Variants in DNAH1 observed in about 807,000 individuals in gnomAD.
The protein encoded by DNAH1 is axonemal beta dynein heavy chain 1.
In DNAH1, 327 loss-of-function variants were observed where a neutral mutation model predicts 484.3. The observed-to-expected ratio is 0.68, with a 90% CI of 0.62 to 0.74. The LOEUF is 0.74. DNAH1 is among the 30% of genes least tolerant of loss of function. The pLI, the probability that DNAH1 is intolerant of heterozygous loss-of-function variation, is 0.00. For synonymous variants in DNAH1, 2,192 were observed against 2,191.9 expected, an observed-to-expected ratio of 1.00 and a Z score of 0.00; for missense variants, 5,052 against 5,546.8, an observed-to-expected ratio of 0.91 and a Z score of 2.83.
chr3:52,399,211 C>T lies in DNAH1; in HGVS notation c.12441+10C>T, dbSNP rs372463220. 6.3e-7 allele frequency: 1 copy of T among 1,591,108 alleles called. No individual in the cohort carries two copies. Among genetic ancestry groups the T allele is most frequent in the Non-Finnish European group, 8.6e-7 (1 of 1,167,146 alleles). ...CTCCTTTGATTTCAAGGTCTGGGCACAGCCAGGGCCAGGTCAGGTGACAGG... is the reference window on the plus strand; with the variant it reads ...CTCCTTTGATTTCAAGGTCTGGGCATAGCCAGGGCCAGGTCAGGTGACAGG... On this transcript the variant is annotated intron_variant, in intron 76 of 77. Coordinates refer to ENST00000420323, the MANE Select transcript of DNAH1 (RefSeq NM_015512.5).
Position 52,326,797 on chromosome 3 carries a change from C to G in DNAH1, c.644C>G (p.Ser215Cys). 6.2e-7 allele frequency: 1 copy of G among 1,613,796 alleles called. No homozygotes were observed. The highest frequency in any genetic ancestry group is 1.1e-5 in the South Asian group (1 of 91,072). ...TTGCTGTTCAGCCAGGGCATCGACT[C>G]CAACAAGCTCATGCCCAGGCACCTG... ...EQLLFSQGID[S>C]NKLMPRHLDH... The change falls in exon 5 of 78, where the codon TCC becomes TGC. Residue 215 changes from serine to cysteine, a missense_variant. Physicochemically the swap from Ser to Cys is moderately radical, Grantham distance 112. Coordinates refer to ENST00000420323, the MANE Select transcript of DNAH1 (RefSeq NM_015512.5).
In DNAH1 at chr3:52,322,686, C is replaced by T. The variant is rs555366087; in HGVS notation, c.244C>T (p.Leu82=). The T allele has an allele frequency of 3.1e-6, 5 of 1,613,862 alleles. No homozygotes were observed. The highest frequency in any genetic ancestry group is 4.2e-6 in the Non-Finnish European group (5 of 1,179,850). Reference sequence around the variant, plus strand: ...CTTGGGGCAGCCACGGAAGTCACCCCTGACAGGCACTGATAAGAAGTACCC... The same window carrying T: ...CTTGGGGCAGCCACGGAAGTCACCCTTGACAGGCACTGATAAGAAGTACCC... ...SDLGQPRKSP[L]TGTDKKYPLM... is the part of the protein sequence containing the mutation. Residue 82 remains leucine (L), a synonymous_variant, in exon 2 of 78, where the codon CTG becomes TTG. Coordinates refer to ENST00000420323, the MANE Select transcript of DNAH1 (RefSeq NM_015512.5).
At chr3:52,367,405 A>G (rs1302590098) in intron 36 of DNAH1, among the ~76,000 whole-genome samples, 3 of 152,016 alleles carry the variant, frequency 2.0e-5, no homozygotes, top group Non-Finnish European at 4.4e-5. Flanking sequence ...GGGGATGGTC[A>G]CTAGGGAGGG....
chr3:52,331,625 T>C (rs950414525), intron 7 of DNAH1, among the ~76,000 whole-genome samples: 4 of 104,028 alleles, frequency 3.8e-5, no homozygotes, highest in African/African-American at 1.5e-4. Context: ...TTTTCTTTTT[T>C]TTTTTTTTTT....
chr3:52,396,184 T>C (rs904515816), intron 70 of DNAH1, among the ~76,000 whole-genome samples, 184 bp from the exon 71 acceptor site: 3 of 152,118 alleles, frequency 2.0e-5, no homozygotes, highest in Non-Finnish European at 4.4e-5. Flanking sequence ...TCGCCTGCCT[T>C]GGCCTTCCAA....
chr3:52,392,805 C>T (rs1335939148), intron 64 of DNAH1, 25 bp from the exon 65 acceptor site: 3 of 563,470 alleles, frequency 5.3e-6, no homozygotes, highest in Non-Finnish European at 6.6e-6. Flanking sequence ...TCTTTGACCC[C>T]TCCCCCCACC....
chr3:52,397,925 T>TCACCATCCTGCCCACTCCC, intron 74 of DNAH1, 48 bp downstream of exon 74: 2 of 1,576,162 alleles, frequency 1.3e-6, no homozygotes, highest in South Asian at 2.4e-5. Context: ...GGGCTGGGCT[T>TCACCATCCTGCCCACTCCC]CACCATCCTG....
chr3:52,378,101 G>A lies in DNAH1; in HGVS notation c.7199-501G>A, dbSNP rs573170074. On this transcript the variant is annotated intron_variant, in intron 46 of 77. Transcript: ENST00000420323. ...TTGGATAGTTTTCAAAGAACAGGCC[G>A]ATAGGTGTATGAGTGGTAAAAATGC... Among the ~76,000 whole-genome samples the A allele has an allele frequency of 7.9e-5, 12 of 152,238 alleles. 1 individual carries two copies. Among genetic ancestry groups the A allele is most frequent in the South Asian group, 6.2e-4 (3 of 4,824 alleles).
intron 59 of DNAH1, 22 bp from the exon 60 acceptor site, chr3:52,389,439 C>A: frequency 6.2e-7 from 1 of 1,611,180 alleles, no homozygotes; most frequent in South Asian, 1.1e-5. Context: ...GTGGGGTGGT[C>A]CTGAGTCTGG....
rs1703880567 is a variant in DNAH1, at chr3:52,382,218, G to T, written c.7806-102G>T. Reference sequence around the variant, plus strand: ...GGGTCTGCAGGTCTGCCCAGGATGGGAGCAGAATTCCAGGTGGTCAGGGTA... The same window carrying T: ...GGGTCTGCAGGTCTGCCCAGGATGGTAGCAGAATTCCAGGTGGTCAGGGTA... On this transcript the variant is annotated intron_variant, in intron 49 of 77. Coordinates refer to ENST00000420323, the MANE Select transcript of DNAH1 (RefSeq NM_015512.5). The T allele has an allele frequency of 9.5e-6, 15 of 1,586,760 alleles. No homozygotes were observed. The South Asian group carries it at 1.6e-4, about 16-fold the overall frequency.
chr3:52,352,184 C>A (rs957493393), intron 17 of DNAH1, 81 bp downstream of exon 17: 3 of 1,513,874 alleles, frequency 2.0e-6, no homozygotes, highest in Non-Finnish European at 2.7e-6. Flanking sequence ...GGCCTCACTT[C>A]TTGCATTCAG....
intron 48 of DNAH1, among the ~76,000 whole-genome samples, chr3:52,380,810 C>A (rs1026188770): frequency 2.0e-5 from 3 of 152,234 alleles, no homozygotes; most frequent in African/African-American, 7.2e-5. Context: ...AAAGTGACAG[C>A]AAGCAAGTTC....
chr3:52,362,193 G>GC lies in DNAH1; in HGVS notation c.4981-193dup, dbSNP rs1702892544. Among the ~76,000 whole-genome samples the GC allele has an allele frequency of 6.6e-6, 1 of 152,212 alleles. No homozygotes were observed. The highest frequency in any genetic ancestry group is 1.5e-5 in the Non-Finnish European group (1 of 68,034). ...AGGGCCTGAAGCCAGGAGCTGGAAG[G>GC]CCATGGGTAGCCACTGGGGCCTGAG... On this transcript the variant is annotated intron_variant, in intron 30 of 77. Transcript: ENST00000420323. This position sits in a 1 kb window ranked among gnomAD's most constrained non-coding sequence, Gnocchi z 5.1.
rs113087569 is a variant in DNAH1 at position 52,351,560 on chromosome 3, A to G, written c.2730-402A>G. The stretch of plus-strand genomic sequence containing the variant: ...GGGCAAAGGGAGTTGGTCTGACCTG[A>G]AGGCAGCTGGCCTGAGGGCCCTGGC... On this transcript the variant is annotated intron_variant, in intron 16 of 77. Coordinates refer to ENST00000420323, the MANE Select transcript of DNAH1 (RefSeq NM_015512.5). 3.1e-3 allele frequency among the ~76,000 whole-genome samples: 478 copies of G among 152,338 alleles called. 1 individual carries two copies. The highest frequency in any genetic ancestry group is 0.011 in the African/African-American group (462 of 41,586).
chr3:52,318,741 A>G (rs559646356), intron 1 of DNAH1, among the ~76,000 whole-genome samples: 24 of 152,170 alleles, frequency 1.6e-4, no homozygotes, highest in Admixed American at 9.8e-4. Context: ...GGCAGTTTGC[A>G]TCGGGTGAAT....
chr3:52,346,445 A>T (rs1035443264), intron 10 of DNAH1, 27 bp from the exon 11 acceptor site: 1 of 1,588,782 alleles, frequency 6.3e-7, no homozygotes, highest in African/African-American at 1.3e-5. Flanking sequence ...CAGGGTGGCC[A>T]TATGATGATG....
rs374202871 is a variant in DNAH1 at position 52,384,783 on chromosome 3, C to T, written c.8323-3C>T. On this transcript the variant is annotated splice_polypyrimidine_tract_variant and splice_region_variant and intron_variant, in intron 52 of 77. Coordinates refer to ENST00000420323, the MANE Select transcript of DNAH1 (RefSeq NM_015512.5). Reference sequence around the variant, plus strand: ...GCCGGCATCCATGGTCTTCCTCCCCCAGATCCAGGTCTGTGTGTACATCCA... The same window carrying T: ...GCCGGCATCCATGGTCTTCCTCCCCTAGATCCAGGTCTGTGTGTACATCCA... The T allele has an allele frequency of 6.3e-7, 1 of 1,597,952 alleles. No individual in the cohort carries two copies. The highest frequency in any genetic ancestry group is 2.3e-5 in the East Asian group (1 of 44,148).
chr3:52,343,218 A>G (rs530324852), intron 8 of DNAH1, among the ~76,000 whole-genome samples: 1 of 152,232 alleles, frequency 6.6e-6, no homozygotes, highest in African/African-American at 2.4e-5. Context: ...AAGAAACACA[A>G]AGAGATAAAG....
At position 52,358,407 on chromosome 3, in the gene DNAH1, G is replaced by A; in HGVS notation, c.4087-151G>A. On this transcript the variant is annotated intron_variant, in intron 24 of 77. Coordinates refer to ENST00000420323, the MANE Select transcript of DNAH1 (RefSeq NM_015512.5). The surrounding 1 kb of genome is among the most constrained non-coding windows in gnomAD (Gnocchi z 4.2). ...AAGGCAGGCCATCCAGCCTGGGAAGGCCCAGCCAAGATAGACTCTCGGGGG... is the reference window on the plus strand; with the variant it reads ...AAGGCAGGCCATCCAGCCTGGGAAGACCCAGCCAAGATAGACTCTCGGGGG... 1.1e-6 allele frequency: 1 copy of A among 882,280 alleles called. No homozygotes were observed. Among genetic ancestry groups the A allele is most frequent in the Non-Finnish European group, 1.7e-6 (1 of 597,628 alleles). 54.7% of individuals were successfully genotyped at this position (882,280 alleles called of 1,614,324 possible).
Sources: gnomAD v4.1 joint callset for allele counts (sites outside exome capture counted in the v4.1 genomes callset) on GRCh38, gnomAD v4.1.1 for gene constraint, Gnocchi (gnomAD v3.1) non-coding constraint, MANE v1.5 for transcripts, NCBI Gene and HGNC (gene_info 2026-07-23, HGNC 2026-07-21) for gene names.